The following NFIL3 variants were observed in gnomAD, a reference collection of about 807,000 sequenced individuals.
NFIL3 encodes the protein nuclear factor interleukin-3-regulated protein.
In NFIL3, 5 loss-of-function variants were observed where a neutral mutation model predicts 10.0. That is an observed-to-expected ratio of 0.50 (90% CI 0.26 to 1.06). The LOEUF is 1.06. NFIL3 is among the 50% of genes least tolerant of loss of function. The pLI is 0.13. For missense variants in NFIL3, 436 were observed against 547.6 expected, an observed-to-expected ratio of 0.80 and a Z score of 2.03; for synonymous variants, 202 against 206.5, an observed-to-expected ratio of 0.98 and a Z score of 0.19.
At chr9:91,468,448 G>A in the NFIL3 span, among the ~76,000 whole-genome samples, 1 of 152,096 alleles carries the variant, frequency 6.6e-6, no homozygotes, top group Non-Finnish European at 1.5e-5. Flanking sequence ...CCCTTTGTCC[G>A]ATGAGTAGAT....
the NFIL3 span, among the ~76,000 whole-genome samples, chr9:91,482,462 A>G: frequency 1.4e-5 from 2 of 143,640 alleles, no homozygotes; most frequent in South Asian, 2.2e-4. Flanking sequence ...GATGATGATG[A>G]TGGTGATTTT....
the NFIL3 span, among the ~76,000 whole-genome samples, chr9:91,438,711 T>TCC: frequency 7.9e-5 from 12 of 152,204 alleles, no homozygotes; most frequent in Non-Finnish European, 1.2e-4. Flanking sequence ...CAGTCCAATT[T>TCC]CATTCTTTTA....
the NFIL3 span, among the ~76,000 whole-genome samples, chr9:91,465,485 G>GTT: frequency 1.3e-5 from 2 of 150,316 alleles, no homozygotes; most frequent in Non-Finnish European, 1.5e-5. Flanking sequence ...TATTATCCAT[G>GTT]TTTTTTTTTG....
chr9:91,420,368 C>G (rs1833738696), intron 1 of NFIL3, among the ~76,000 whole-genome samples: 1 of 151,738 alleles, frequency 6.6e-6, no homozygotes, highest in Non-Finnish European at 1.5e-5. Context: ...CACACACACA[C>G]ACACACACAC....
chr9:91,412,168 TAAAAGTA>T lies in NFIL3; in HGVS notation c.-172-1269_-172-1263del, dbSNP rs372354060. Among the ~76,000 whole-genome samples the T allele has an allele frequency of 4.0e-3, 601 of 151,382 alleles. 1 individual carries two copies. The highest frequency in any genetic ancestry group is 0.013 in the African/African-American group (552 of 41,224). On this transcript the variant is annotated intron_variant, in intron 1 of 1. Coordinates refer to ENST00000297689, the MANE Select transcript of NFIL3 (RefSeq NM_005384.3). ...ACACTTACTATTCAAAGGGGGTTTT[TAAAAGTA>T]TAGTGCATTCTTGAAATGAAATTCT...
rs1833499579 is a variant in NFIL3 at position 91,409,590 on chromosome 9, G to A, written c.1145C>T (p.Ser382Leu). 4 of 1,614,206 alleles carry A rather than the reference G, an allele frequency of 2.5e-6. No homozygotes were observed. The highest frequency in any genetic ancestry group is 1.1e-5 in the South Asian group (1 of 91,086). Residue 382 changes from serine to leucine, a missense_variant, in exon 2 of 2, where the codon TCA becomes TTA. Physicochemically the swap from Ser to Leu is moderately radical, Grantham distance 145. This residue lies in a region of NFIL3 where 338 missense variants were observed against 399.9 expected (regional missense o/e 0.85). Coordinates refer to ENST00000297689, the MANE Select transcript of NFIL3 (RefSeq NM_005384.3). Reference protein sequence around the residue: ...SMVHSSLTPFSVQVTNIQDWS... With the variant: ...SMVHSSLTPFLVQVTNIQDWS... ...ATCTTGAATGTTAGTCACTTGCACT[G>A]AGAAAGGAGTAAGAGAAGAATGTAC...
rs1159915070 is a variant in NFIL3, at chr9:91,410,698, G to A, written c.37C>T (p.Gln13Ter). 1 of 1,605,144 alleles carries A rather than the reference G, an allele frequency of 6.2e-7. No individual in the cohort carries two copies. The highest frequency in any genetic ancestry group is 2.2e-5 in the East Asian group (1 of 44,820). ...TTGCTACTGGCATCAAGAGACGCCT[G>A]CTCCTTTTTGACGGTCTGCATTTTT... ...LRKMQTVKKE[Q>*]ASLDASSNVD... Residue 13 changes from glutamine to a stop codon, truncating the protein, a stop_gained, in exon 2 of 2, where the codon CAG becomes TAG. Transcript: ENST00000297689. LOFTEE classifies it low-confidence loss of function (END_TRUNC). This position sits in a 1 kb window ranked among gnomAD's most constrained non-coding sequence, Gnocchi z 5.7.
At chr9:91,449,067 A>G in the NFIL3 span, among the ~76,000 whole-genome samples, 1,135 of 152,262 alleles carry the variant, frequency 7.5e-3, 37 homozygotes, top group East Asian at 0.094. Context: ...GATTTTTGGT[A>G]TTGACATTGC....
At chr9:91,467,401 G>C in the NFIL3 span, among the ~76,000 whole-genome samples, 1 of 151,956 alleles carries the variant, frequency 6.6e-6, no homozygotes, top group Non-Finnish European at 1.5e-5. Flanking sequence ...TCACATTTTT[G>C]ATGTCAAAAT....
the NFIL3 span, among the ~76,000 whole-genome samples, chr9:91,437,647 A>C: frequency 2.0e-5 from 3 of 152,152 alleles, no homozygotes; most frequent in Non-Finnish European, 4.4e-5. Flanking sequence ...TCTGACCTAC[A>C]TCTCCCCATT....
chr9:91,472,063 C>T, the NFIL3 span, among the ~76,000 whole-genome samples: 5 of 152,144 alleles, frequency 3.3e-5, no homozygotes, highest in Admixed American at 6.5e-5. Flanking sequence ...GGGTTTCTGC[C>T]GAGAGATCAG....
the NFIL3 span, among the ~76,000 whole-genome samples, chr9:91,434,958 A>G: frequency 2.0e-5 from 3 of 152,208 alleles, no homozygotes; most frequent in African/African-American, 4.8e-5. Flanking sequence ...CAGCATGAAC[A>G]TGCCCAAGGA....
chr9:91,433,976 A>G, the NFIL3 span, among the ~76,000 whole-genome samples: 1 of 152,194 alleles, frequency 6.6e-6, no homozygotes, highest in African/African-American at 2.4e-5. Flanking sequence ...AACATTGAAT[A>G]ATGACTAACA....
At chr9:91,414,941 A>G (rs185001257) in intron 1 of NFIL3, among the ~76,000 whole-genome samples, 400 of 152,376 alleles carry the variant, frequency 2.6e-3, no homozygotes, top group Non-Finnish European at 4.2e-3. Flanking sequence ...TATACCTTAT[A>G]TAAGAGAGTT....
At chr9:91,433,907 ATAAT>A in the NFIL3 span, among the ~76,000 whole-genome samples, 4 of 152,202 alleles carry the variant, frequency 2.6e-5, no homozygotes, top group African/African-American at 4.8e-5. Flanking sequence ...AAACTATCAA[ATAAT>A]TAATACTACA....
chr9:91,452,547 G>A, the NFIL3 span, among the ~76,000 whole-genome samples: 1 of 152,040 alleles, frequency 6.6e-6, no homozygotes, highest in African/African-American at 2.4e-5. Flanking sequence ...GGCTGAGGTG[G>A]GCAGATCACC....
chr9:91,422,479 AC>A (rs1056953554), intron 1 of NFIL3, among the ~76,000 whole-genome samples: 1 of 145,402 alleles, frequency 6.9e-6, no homozygotes, highest in South Asian at 2.2e-4. Flanking sequence ...AAAAAAAAAA[AC>A]TGTTATAGTG....
the NFIL3 span, among the ~76,000 whole-genome samples, chr9:91,450,683 G>A: frequency 1.3e-5 from 2 of 152,126 alleles, no homozygotes; most frequent in African/African-American, 2.4e-5. Context: ...TCCTTCTATT[G>A]TTGGGTGGAG....
chr9:91,417,487 A>G (rs112134788), intron 1 of NFIL3, among the ~76,000 whole-genome samples: 3 of 152,370 alleles, frequency 2.0e-5, no homozygotes, highest in African/African-American at 7.2e-5. Flanking sequence ...TCCTGTGGGT[A>G]AAATTCACAG....
Sources: allele counts gnomAD v4.1 joint callset (sites outside exome capture counted in the v4.1 genomes callset), GRCh38; gene constraint gnomAD v4.1.1; regional missense constraint gnomAD v4.1.1; non-coding constraint Gnocchi (gnomAD v3.1); transcripts MANE v1.5; gene names NCBI Gene and HGNC (gene_info 2026-07-23, HGNC 2026-07-21).